Variants in NIF3L1 observed in about 807,000 individuals in gnomAD.
NIF3L1 encodes NIF3-like protein 1.
A neutral mutation model predicts 35.0 loss-of-function variants in NIF3L1; 26 were observed. That is an observed-to-expected ratio of 0.74 (90% CI 0.54 to 1.03). NIF3L1 has a LOEUF of 1.03. Among genes scored for constraint, NIF3L1 ranks in the 50% least tolerant of loss-of-function variants. The pLI is 0.00. For synonymous variants in NIF3L1, 157 were observed against 178.9 expected, an observed-to-expected ratio of 0.88 and a Z score of 0.98; for missense variants, 449 against 466.3, an observed-to-expected ratio of 0.96 and a Z score of 0.34.
At chr2:200,891,646 T>A (rs1278585989) in intron 1 of NIF3L1, 1 of 383,942 alleles carries the variant, frequency 2.6e-6, no homozygotes, top group African/African-American at 2.0e-5. Context: ...TGGACGTTTG[T>A]GTATTATGTA....
chr2:200,891,870 C>G, intron 1 of NIF3L1, 48 bp from the exon 2 acceptor site: 28 of 1,168,684 alleles, frequency 2.4e-5, no homozygotes, highest in Non-Finnish European at 3.4e-5. Flanking sequence ...CCTCAAAGAT[C>G]CAGGCCTAAA....
rs772711658 is a variant in NIF3L1, at chr2:200,903,783, G to A, written c.*105G>A. 1.0e-5 allele frequency: 9 copies of A among 893,144 alleles called. No individual in the cohort carries two copies. In the South Asian group the frequency reaches 1.2e-4, roughly 12 times the overall value. The allele number at this position is 893,144 out of a possible 1,614,324, so 55.3% of individuals were successfully genotyped here. A position where few individuals can be genotyped will look rare whatever the true frequency, so the allele number is the denominator to read the frequency against. ...GTGTGCTTCCAGAGAGTGTCTTCGA[G>A]GGTATCATCATTTCCGGTTTGTTAA... On this transcript the variant is annotated 3_prime_UTR_variant, in exon 7 of 7. Transcript: ENST00000409020.
intron 5 of NIF3L1, among the ~76,000 whole-genome samples, chr2:200,898,205 T>A (rs1392196107): frequency 6.6e-6 from 1 of 152,206 alleles, no homozygotes; most frequent in Non-Finnish European, 1.5e-5. Context: ...CACGCTGCTA[T>A]GAAGAAATAC....
At chr2:200,896,770 G>A (rs993681003) in intron 4 of NIF3L1, among the ~76,000 whole-genome samples, 4 of 152,146 alleles carry the variant, frequency 2.6e-5, no homozygotes, top group Admixed American at 6.5e-5. Flanking sequence ...TTTTTGTGGA[G>A]ATGAGGTCTC....
chr2:200,890,995 T>C (rs1206765179), intron 1 of NIF3L1, among the ~76,000 whole-genome samples: 1 of 150,512 alleles, frequency 6.6e-6, no homozygotes, highest in Non-Finnish European at 1.5e-5. Flanking sequence ...AGTGTTGCTC[T>C]CTCGCCAGGC....
chr2:200,903,063 G>A (rs1486810526), intron 6 of NIF3L1, among the ~76,000 whole-genome samples: 2 of 152,176 alleles, frequency 1.3e-5, no homozygotes, highest in East Asian at 3.8e-4. Flanking sequence ...GTGCAGTGGT[G>A]CAGTCTCGGC....
chr2:200,892,133 G>A lies in NIF3L1; in HGVS notation c.190G>A (p.Val64Ile). 2 of 1,614,194 alleles carry A rather than the reference G, an allele frequency of 1.2e-6. No individual in the cohort carries two copies. Among genetic ancestry groups the A allele is most frequent in the Non-Finnish European group, 1.7e-6 (2 of 1,180,026 alleles). ...LLVEPSPPHT[V>I]NTLFLTNDLT... The stretch of plus-strand genomic sequence containing the variant: ...GGTGGAACCAAGCCCACCACATACT[G>A]TAAATACACTCTTCCTGACCAATGA... Residue 64 changes from valine (V) to isoleucine (I), a missense_variant, in exon 2 of 7, where the codon GTA (valine) becomes ATA (isoleucine). Transcript: ENST00000409020.
At chr2:200,899,967 T>C (rs1473082182) in intron 6 of NIF3L1, among the ~76,000 whole-genome samples, 2 of 152,186 alleles carry the variant, frequency 1.3e-5, no homozygotes, top group African/African-American at 4.8e-5. Context: ...TTTGATGGTC[T>C]TGATTAAAAA....
Position 200,903,454 on chromosome 2 carries a change from A to G in NIF3L1, c.950-40A>G, listed in dbSNP as rs768874951. On this transcript the variant is annotated intron_variant, in intron 6 of 6. Transcript: ENST00000409020. ...TGTGTTTCCTCATTCCACAGATTCC[A>G]TATTTAGCATTTAAGAATTTGCTCT... 4.6e-6 allele frequency: 7 copies of G among 1,533,366 alleles called. No individual in the cohort carries two copies. In the Admixed American group the frequency reaches 1.0e-4, roughly 22 times the overall value. 95.0% of individuals were successfully genotyped at this position (1,533,366 alleles called of 1,614,324 possible).
At position 200,903,549 on chromosome 2, in the gene NIF3L1, CCT is replaced by C. The variant is rs765030134; in HGVS notation, c.1008_1009del (p.Cys337Ter). 1.1e-5 allele frequency: 17 copies of C among 1,613,962 alleles called. No individual in the cohort carries two copies. In the Admixed American group the frequency reaches 1.8e-4, roughly 17 times the overall value. ...DAASQGINVILCEHSNTERGF... is the reference protein window; with the variant it reads ...DAASQGINVIXCEHSNTERGF... ...CTGCTTCCCAAGGAATAAATGTCAT[CCT>C]CTGTGAACACAGCAACACTGAACGA... On this transcript the variant is annotated frameshift_variant, in exon 7 of 7. Transcript: ENST00000409020. LOFTEE classifies it high-confidence loss of function.
intron 4 of NIF3L1, among the ~76,000 whole-genome samples, chr2:200,896,449 T>A (rs1045852094): frequency 6.6e-6 from 1 of 152,210 alleles, no homozygotes; most frequent in South Asian, 2.1e-4. Flanking sequence ...TCCCCCTTTT[T>A]AACTCTTTTA....
chr2:200,901,919 T>G (rs900831033), intron 6 of NIF3L1, among the ~76,000 whole-genome samples: 1 of 152,200 alleles, frequency 6.6e-6, no homozygotes, highest in African/African-American at 2.4e-5. Flanking sequence ...CTGGGCCATC[T>G]TAGTGTCTTT....
intron 4 of NIF3L1, among the ~76,000 whole-genome samples, chr2:200,896,387 C>T (rs1223894784): frequency 6.6e-6 from 1 of 152,118 alleles, no homozygotes; most frequent in East Asian, 1.9e-4. Flanking sequence ...TCTCATCGTA[C>T]CTCTGTCCTG....
Position 200,892,038 on chromosome 2 carries a change from C to T in NIF3L1, c.95C>T (p.Ala32Val), listed in dbSNP as rs201084870. 6.6e-5 allele frequency: 106 copies of T among 1,613,918 alleles called. No individual in the cohort carries two copies. The highest frequency in any genetic ancestry group is 1.1e-5 in the South Asian group (1 of 91,076). Residue 32 changes from alanine to valine, a missense_variant, in exon 2 of 7, where the codon GCT becomes GTT. Transcript: ENST00000409020. ...NSSRSFMDLK[A>V]LLSSLNDFAS... Reference sequence around the variant, plus strand: ...TCCCGTTCCTTCATGGATTTGAAGGCTCTCCTTTCTTCCTTGAATGACTTT... The same window carrying T: ...TCCCGTTCCTTCATGGATTTGAAGGTTCTCCTTTCTTCCTTGAATGACTTT...
intron 1 of NIF3L1, among the ~76,000 whole-genome samples, chr2:200,889,989 G>A (rs1451393567): frequency 6.6e-6 from 1 of 152,138 alleles, no homozygotes; most frequent in African/African-American, 2.4e-5. Flanking sequence ...CTGCATGATG[G>A]CCCACTAGGG....
chr2:200,899,388 C>A lies in NIF3L1; in HGVS notation c.869C>A (p.Ser290Tyr). The change falls in exon 6 of 7, where the codon TCT becomes TAT. Residue 290 changes from serine (S) to tyrosine (Y), a missense_variant. Transcript: ENST00000409020. ...TCTTGTTTCCTCTGTTTTGAAGAGT[C>A]TCAAGTCAAAGTCGTGGCCCTGTGT... is the stretch of plus-strand genomic sequence containing the variant. ...LALGVGRTLE[S>Y]QVKVVALCAG... The A allele has an allele frequency of 6.2e-7, 1 of 1,613,506 alleles. No homozygotes were observed. Among genetic ancestry groups the A allele is most frequent in the Non-Finnish European group, 8.5e-7 (1 of 1,179,512 alleles).
chr2:200,890,896 C>G (rs115920831), intron 1 of NIF3L1, among the ~76,000 whole-genome samples: 4,317 of 152,084 alleles, frequency 0.028, 209 homozygotes, highest in African/African-American at 0.099. Context: ...TATAGAGTGA[C>G]CTGCCTATGT....
rs755366244 is a variant in NIF3L1 at position 200,892,338 on chromosome 2, C to A, written c.395C>A (p.Ala132Asp). ...GIYSPHTAYD[A>D]APQGVNNWLA... ...TACTCTCCTCATACAGCCTATGATGCTGCGCCCCAGGGCGTCAACAACTGG... is the reference window on the plus strand; with the variant it reads ...TACTCTCCTCATACAGCCTATGATGATGCGCCCCAGGGCGTCAACAACTGG... Residue 132 changes from alanine to aspartate, a missense_variant, in exon 2 of 7, where the codon GCT (alanine) becomes GAT (aspartate). Physicochemically the swap from Ala to Asp is moderately radical, Grantham distance 126. Coordinates refer to ENST00000409020, the MANE Select transcript of NIF3L1 (RefSeq NM_001369441.2). 2 of 1,611,558 alleles carry A rather than the reference C, an allele frequency of 1.2e-6. No homozygotes were observed. Among genetic ancestry groups the A allele is most frequent in the Non-Finnish European group, 1.7e-6 (2 of 1,179,462 alleles).
intron 4 of NIF3L1, 64 bp downstream of exon 4, chr2:200,895,454 G>T: frequency 6.5e-7 from 1 of 1,531,526 alleles, no homozygotes; most frequent in Admixed American, 1.7e-5. Flanking sequence ...CAGTATAATT[G>T]AGGTATAATT....
Sources: allele counts gnomAD v4.1 joint callset (sites outside exome capture counted in the v4.1 genomes callset), GRCh38; gene constraint gnomAD v4.1.1; transcripts MANE v1.5; gene names NCBI Gene and HGNC (gene_info 2026-07-23, HGNC 2026-07-21).